KLHL40: variants seen among roughly 807,000 people sequenced by gnomAD.
KLHL40 encodes the protein kelch-like protein 40.
Under a neutral mutation model 49.7 loss-of-function variants are expected in KLHL40, and 44 were observed. That is an observed-to-expected ratio of 0.89 (90% CI 0.70 to 1.14). The LOEUF (loss-of-function observed/expected upper bound fraction) is 1.14, where lower values mean the gene tolerates loss of function less well. Ranked by LOEUF, KLHL40 falls within the 50% of genes most tolerant of loss-of-function variation. The pLI, the probability that KLHL40 is intolerant of heterozygous loss-of-function variation, is 0.00. For missense variants in KLHL40, 892 were observed against 850.3 expected, an observed-to-expected ratio of 1.05 and a Z score of -0.61; for synonymous variants, 409 against 365.2, an observed-to-expected ratio of 1.12 and a Z score of -1.37.
intron 5 of KLHL40, among the ~76,000 whole-genome samples, chr3:42,691,620 T>C (rs1005681124): frequency 2.0e-5 from 3 of 151,956 alleles, no homozygotes; most frequent in African/African-American, 7.3e-5. Context: ...TAGACCTTCC[T>C]GGAGGGGAAC....
In KLHL40 at chr3:42,686,746, C is replaced by A. The variant is rs775958453; in HGVS notation, c.1128C>A (p.Asp376Glu). ...TCTACAACGAAGACAACAAAGAGGACCCCATGAGCGCATACTTCCTGCAGG... is the reference window on the plus strand; with the variant it reads ...TCTACAACGAAGACAACAAAGAGGAACCCATGAGCGCATACTTCCTGCAGG... ...GLFYNEDNKEDPMSAYFLQFD... is the reference protein window; with the variant it reads ...GLFYNEDNKEEPMSAYFLQFD... The change falls in exon 1 of 6, where the codon GAC becomes GAA. Residue 376 changes from aspartate to glutamate, a missense_variant. Coordinates refer to ENST00000287777, the MANE Select transcript of KLHL40 (RefSeq NM_152393.4). 6.2e-7 allele frequency: 1 copy of A among 1,611,772 alleles called. No individual in the cohort carries two copies. The highest frequency in any genetic ancestry group is 1.7e-5 in the Admixed American group (1 of 59,868).
rs780898416 is a variant in KLHL40 at position 42,686,409 on chromosome 3, G to T, written c.791G>T (p.Arg264Leu). Residue 264 changes from arginine (R) to leucine (L), a missense_variant, in exon 1 of 6, where the codon CGC (arginine) becomes CTC (leucine). Arg to Leu is a moderately radical substitution (Grantham distance 102). Transcript: ENST00000287777. ...ATGGTGAAGGATGCACACGAGGGCC[G>T]CATCACCACGCTGCGGAAGAAAAAG... Reference protein sequence around the residue: ...VQMVKDAHEGRITTLRKKKKG... With the variant: ...VQMVKDAHEGLITTLRKKKKG... 1.2e-6 allele frequency: 2 copies of T among 1,613,550 alleles called. No homozygotes were observed. The highest frequency in any genetic ancestry group is 1.3e-5 in the African/African-American group (1 of 74,940).
At position 42,686,421 on chromosome 3, in the gene KLHL40, T is replaced by G; in HGVS notation, c.803T>G (p.Leu268Arg). The change falls in exon 1 of 6, where the codon CTG (leucine) becomes CGG (arginine). Residue 268 changes from leucine (L) to arginine (R), a missense_variant. Coordinates refer to ENST00000287777, the MANE Select transcript of KLHL40 (RefSeq NM_152393.4). ...GCACACGAGGGCCGCATCACCACGC[T>G]GCGGAAGAAAAAGAAGGGGAAGGAT... is the stretch of plus-strand genomic sequence containing the variant. ...KDAHEGRITT[L>R]RKKKKGKDGA... 1 of 1,613,622 alleles carries G rather than the reference T, an allele frequency of 6.2e-7. No homozygotes were observed.
Position 42,688,446 on chromosome 3 carries a change from G to C in KLHL40, c.1313+144G>C, listed in dbSNP as rs535456771. On this transcript the variant is annotated intron_variant, in intron 2 of 5. Transcript: ENST00000287777. The surrounding 1 kb of genome is among the most constrained non-coding windows in gnomAD (Gnocchi z 4.2). ...GGCTTGGGTAAGGGCGGGGAGGTTG[G>C]GGGGCAGGGTGGGATCAAAGAACTG... 3.0e-6 allele frequency: 3 copies of C among 1,001,566 alleles called. No individual in the cohort carries two copies. The highest frequency in any genetic ancestry group is 1.6e-5 in the African/African-American group (1 of 62,634). 62.0% of individuals were successfully genotyped at this position (1,001,566 alleles called of 1,614,324 possible).
chr3:42,690,401 A>G (rs1697343502), intron 4 of KLHL40, among the ~76,000 whole-genome samples: 1 of 152,242 alleles, frequency 6.6e-6, no homozygotes, highest in Non-Finnish European at 1.5e-5. Flanking sequence ...GGCCCAAGGC[A>G]GGAGCCAGGG....
At chr3:42,690,331 C>T (rs754569922) in intron 4 of KLHL40, among the ~76,000 whole-genome samples, 4 of 152,190 alleles carry the variant, frequency 2.6e-5, no homozygotes, top group Non-Finnish European at 5.9e-5. Flanking sequence ...GCTGTAGGAC[C>T]TCAGTGCGTG....
intron 5 of KLHL40, among the ~76,000 whole-genome samples, chr3:42,691,415 T>C (rs1371968815): frequency 1.3e-5 from 2 of 152,130 alleles, no homozygotes; most frequent in African/African-American, 2.4e-5. Flanking sequence ...TTGCTCTCTA[T>C]GGCTGGTCCT....
Position 42,692,376 on chromosome 3 carries a change from T to G in KLHL40, c.*383T>G, listed in dbSNP as rs1330224410. The G allele has an allele frequency of 8.2e-5, 34 of 413,000 alleles. No individual in the cohort carries two copies. The highest frequency in any genetic ancestry group is 1.8e-5 in the Non-Finnish European group (4 of 224,132). The allele number at this position is 413,000 out of a possible 1,614,324, so 25.6% of individuals were successfully genotyped here. On this transcript the variant is annotated 3_prime_UTR_variant, in exon 6 of 6. Coordinates refer to ENST00000287777, the MANE Select transcript of KLHL40 (RefSeq NM_152393.4). ...CATCCCCATCAAGTGCAGTGTACAG[T>G]GCAGATATGTCTCCTTCTTTAGGAA... is the stretch of plus-strand genomic sequence containing the variant.
chr3:42,688,931 C>G lies in KLHL40; in HGVS notation c.1484C>G (p.Pro495Arg). ...PKKFEWKELA[P>R]MQTARSLFGA... is the part of the protein sequence containing the mutation. ...AAGTTTGAGTGGAAGGAGCTGGCAC[C>G]CATGCAGACCGCCCGCTCACTCTTT... The change falls in exon 4 of 6, where the codon CCC (proline) becomes CGC (arginine). Residue 495 changes from proline (P) to arginine (R), a missense_variant. Pro to Arg is a moderately radical substitution (Grantham distance 103). Coordinates refer to ENST00000287777, the MANE Select transcript of KLHL40 (RefSeq NM_152393.4). This position sits in a 1 kb window ranked among gnomAD's most constrained non-coding sequence, Gnocchi z 4.2. 6.2e-7 allele frequency: 1 copy of G among 1,614,104 alleles called. No homozygotes were observed. Among genetic ancestry groups the G allele is most frequent in the Non-Finnish European group, 8.5e-7 (1 of 1,180,002 alleles).
chr3:42,688,892 T>A lies in KLHL40; in HGVS notation c.1445T>A (p.Val482Asp). Reference sequence around the variant, plus strand: ...AGGAAGTGCCTGAACAAGATGTGCGTCTATGACCCCAAGAAGTTTGAGTGG... The same window carrying A: ...AGGAAGTGCCTGAACAAGATGTGCGACTATGACCCCAAGAAGTTTGAGTGG... ...SDRKCLNKMC[V>D]YDPKKFEWKE... The change falls in exon 4 of 6, where the codon GTC becomes GAC. Residue 482 changes from valine to aspartate, a missense_variant. By Grantham distance (152) the Val-to-Asp change is radical. Transcript: ENST00000287777. The surrounding 1 kb of genome is among the most constrained non-coding windows in gnomAD (Gnocchi z 4.2). The A allele has an allele frequency of 6.2e-7, 1 of 1,614,092 alleles. No individual in the cohort carries two copies. The highest frequency in any genetic ancestry group is 8.5e-7 in the Non-Finnish European group (1 of 1,179,988).
Position 42,688,015 on chromosome 3 carries a change from C to T in KLHL40, c.1153-127C>T. The T allele has an allele frequency of 9.4e-7, 1 of 1,067,014 alleles. No individual in the cohort carries two copies. Among genetic ancestry groups the T allele is most frequent in the Non-Finnish European group, 1.4e-6 (1 of 726,532 alleles). The allele number at this position is 1,067,014 out of a possible 1,614,324, so 66.1% of individuals were successfully genotyped here. ...GGAGGGGCACTGTTTCTCAGGGCACCTCCAGGCTGTATTGGCCCTACCTGG... is the reference window on the plus strand; with the variant it reads ...GGAGGGGCACTGTTTCTCAGGGCACTTCCAGGCTGTATTGGCCCTACCTGG... On this transcript the variant is annotated intron_variant, in intron 1 of 5. Transcript: ENST00000287777. The surrounding 1 kb of genome is among the most constrained non-coding windows in gnomAD (Gnocchi z 4.2).
rs1336710185 is a variant in KLHL40 at position 42,688,351 on chromosome 3, T to C, written c.1313+49T>C. ...GAGCTCCGTGGGGGTGAGTGGGGCA[T>C]GGAGGCCGCAGCTGGTCTAGGGCCT... On this transcript the variant is annotated intron_variant, in intron 2 of 5. Coordinates refer to ENST00000287777, the MANE Select transcript of KLHL40 (RefSeq NM_152393.4). The surrounding 1 kb of genome is among the most constrained non-coding windows in gnomAD (Gnocchi z 4.2). 1 of 1,557,910 alleles carries C rather than the reference T, an allele frequency of 6.4e-7. No individual in the cohort carries two copies. Among genetic ancestry groups the C allele is most frequent in the African/African-American group, 1.5e-5 (1 of 68,894 alleles).
In KLHL40 at chr3:42,685,891, A is replaced by G. The variant is rs1419343736; in HGVS notation, c.273A>G (p.Thr91=). 3 of 1,612,546 alleles carry G rather than the reference A, an allele frequency of 1.9e-6. No homozygotes were observed. The highest frequency in any genetic ancestry group is 2.5e-6 in the Non-Finnish European group (3 of 1,179,996). The part of the protein sequence containing the change: ...VVAQVLHYLY[T]SEIALDEASV... Reference sequence around the variant, plus strand: ...CCCAGGTGCTGCACTACCTGTACACATCAGAGATCGCGCTGGATGAGGCGA... The same window carrying G: ...CCCAGGTGCTGCACTACCTGTACACGTCAGAGATCGCGCTGGATGAGGCGA... Residue 91 remains threonine (T), a synonymous_variant, in exon 1 of 6, where the codon ACA becomes ACG. Transcript: ENST00000287777.
chr3:42,685,787 T>C lies in KLHL40; in HGVS notation c.169T>C (p.Tyr57His). Residue 57 changes from tyrosine (Y) to histidine (H), a missense_variant, in exon 1 of 6, where the codon TAC becomes CAC. Tyr to His is a moderately conservative substitution (Grantham distance 83). Coordinates refer to ENST00000287777, the MANE Select transcript of KLHL40 (RefSeq NM_152393.4). The part of the protein sequence containing the change: ...HRLVLAACSP[Y>H]FRARFLAEPE... ...CCTGGTGCTGGCCGCCTGCAGCCCC[T>C]ACTTCCGGGCGCGCTTTCTAGCCGA... 6.2e-7 allele frequency: 1 copy of C among 1,612,128 alleles called. No homozygotes were observed. The highest frequency in any genetic ancestry group is 8.5e-7 in the Non-Finnish European group (1 of 1,179,524).
Position 42,691,961 on chromosome 3 carries a change from C to A in KLHL40, c.1834C>A (p.Arg612=). The A allele has an allele frequency of 6.2e-7, 1 of 1,612,484 alleles. No individual in the cohort carries two copies. The highest frequency in any genetic ancestry group is 8.5e-7 in the Non-Finnish European group (1 of 1,178,502). The change falls in exon 6 of 6, where the codon CGG becomes AGG. Residue 612 remains arginine (R), a synonymous_variant. Transcript: ENST00000287777. The stretch of plus-strand genomic sequence containing the variant: ...AGCAGGTGCCACCTTCCTACCAGTG[C>A]GGCTCAATGTGCTGTGCCTGACTAA... ...YAAGATFLPV[R]LNVLCLTKM is the part of the protein sequence containing the mutation.
chr3:42,689,891 G>A (rs949113430), intron 4 of KLHL40, among the ~76,000 whole-genome samples: 1 of 152,144 alleles, frequency 6.6e-6, no homozygotes, highest in Admixed American at 6.5e-5. Flanking sequence ...AGATGCTGAC[G>A]CTGCTGGGCC....
Position 42,688,260 on chromosome 3 carries a change from A to G in KLHL40, c.1271A>G (p.Asp424Gly). 1.2e-6 allele frequency: 2 copies of G among 1,613,712 alleles called. No individual in the cohort carries two copies. Among genetic ancestry groups the G allele is most frequent in the Non-Finnish European group, 1.7e-6 (2 of 1,179,966 alleles). ...GTGGTCGGTGGCAGAGAGATCAAGG[A>G]CGGCGAGCGCTGCCTGGACTCGGTC... ...IYVVGGREIK[D>G]GERCLDSVMC... Residue 424 changes from aspartate (D) to glycine (G), a missense_variant, in exon 2 of 6, where the codon GAC becomes GGC. Asp to Gly is a moderately conservative substitution (Grantham distance 94). Coordinates refer to ENST00000287777, the MANE Select transcript of KLHL40 (RefSeq NM_152393.4). The surrounding 1 kb of genome is among the most constrained non-coding windows in gnomAD (Gnocchi z 4.2).
In KLHL40 at chr3:42,690,937, T is replaced by G. The variant is rs916033248; in HGVS notation, c.1686T>G (p.Ile562Met). 5.0e-6 allele frequency: 8 copies of G among 1,613,662 alleles called. No individual in the cohort carries two copies. The highest frequency in any genetic ancestry group is 6.8e-6 in the Non-Finnish European group (8 of 1,179,780). The change falls in exon 5 of 6, where the codon ATT becomes ATG. Residue 562 changes from isoleucine (I) to methionine (M), a missense_variant. Transcript: ENST00000287777. Reference protein sequence around the residue: ...LVSLVGTLYAIGGFATLETES... With the variant: ...LVSLVGTLYAMGGFATLETES... ...GCCTGGTGGGTACCCTCTATGCCATTGGTGGCTTTGCCACACTGGAGACGG... is the reference window on the plus strand; with the variant it reads ...GCCTGGTGGGTACCCTCTATGCCATGGGTGGCTTTGCCACACTGGAGACGG...
Position 42,686,186 on chromosome 3 carries a change from A to G in KLHL40, c.568A>G (p.Lys190Glu), listed in dbSNP as rs1697270338. The change falls in exon 1 of 6, where the codon AAG becomes GAG. Residue 190 changes from lysine to glutamate, a missense_variant. Transcript: ENST00000287777. ...CTCCAGCGACGGCCTTAACGTGGAG[A>G]AGGAGGAGGCAGTGTTCGAGGCGGT... ...IISSDGLNVE[K>E]EEAVFEAVMR... 6.3e-7 allele frequency: 1 copy of G among 1,582,294 alleles called. No homozygotes were observed. Among genetic ancestry groups the G allele is most frequent in the Non-Finnish European group, 8.6e-7 (1 of 1,168,542 alleles).
Sources: allele counts gnomAD v4.1 joint callset (sites outside exome capture counted in the v4.1 genomes callset), GRCh38; gene constraint gnomAD v4.1.1; non-coding constraint Gnocchi (gnomAD v3.1); transcripts MANE v1.5; gene names NCBI Gene and HGNC (gene_info 2026-07-23, HGNC 2026-07-21).